SLC47A1: variants seen among roughly 807,000 people sequenced by gnomAD.
The protein encoded by SLC47A1 is multidrug and toxin extrusion protein 1.
Under a neutral mutation model 65.8 loss-of-function variants are expected in SLC47A1, and 58 were observed. The ratio of observed to expected loss-of-function variants is 0.88; its 90% confidence interval spans 0.71 to 1.10. The LOEUF (loss-of-function observed/expected upper bound fraction) is 1.10. Among genes scored for constraint, SLC47A1 ranks in the 50% least tolerant of loss-of-function variants. SLC47A1 has a pLI of 0.00. For missense variants in SLC47A1, 706 were observed against 719.2 expected, an observed-to-expected ratio of 0.98 and a Z score of 0.21; for synonymous variants, 285 against 295.0, an observed-to-expected ratio of 0.97 and a Z score of 0.35.
chr17:19,544,714 CT>C (rs1382183317), intron 2 of SLC47A1, among the ~76,000 whole-genome samples: 1 of 152,250 alleles, frequency 6.6e-6, no homozygotes, highest in Non-Finnish European at 1.5e-5. Context: ...AGCAGGCGGA[CT>C]TTTCTGTGTT....
In SLC47A1 at chr17:19,540,837, TCTC is replaced by T. The variant is rs566636339; in HGVS notation, c.136-1553_136-1551del. ...TAGGAGTTCATACAAGAAAGATACT[TCTC>T]CTACAACAGACACACACACACACAC... On this transcript the variant is annotated intron_variant, in intron 1 of 16. Transcript: ENST00000270570. Among the ~76,000 whole-genome samples the T allele has an allele frequency of 1.5e-4, 20 of 130,398 alleles. No individual in the cohort carries two copies. The South Asian group carries it at 4.8e-3, about 31-fold the overall frequency. 85.5% of individuals were successfully genotyped at this position (130,398 alleles called of 152,430 possible).
intron 6 of SLC47A1, among the ~76,000 whole-genome samples, chr17:19,552,693 G>A (rs1288261696): frequency 6.6e-6 from 1 of 152,172 alleles, no homozygotes; most frequent in Non-Finnish European, 1.5e-5. Flanking sequence ...TTTGAACTTG[G>A]TTACAGAGGA....
At chr17:19,541,652 A>G (rs1916152447) in intron 1 of SLC47A1, among the ~76,000 whole-genome samples, 1 of 152,034 alleles carries the variant, frequency 6.6e-6, no homozygotes, top group Non-Finnish European at 1.5e-5. Context: ...TCTCATCGCT[A>G]CCTCCAGCTC....
At chr17:19,552,452 C>T (rs1052589465) in intron 6 of SLC47A1, among the ~76,000 whole-genome samples, 11 of 152,138 alleles carry the variant, frequency 7.2e-5, no homozygotes, top group South Asian at 4.1e-4. Context: ...ACATTTCATC[C>T]GGCTTTGGGC....
At chr17:19,552,069 CAG>C (rs897566076) in intron 6 of SLC47A1, among the ~76,000 whole-genome samples, 2 of 152,212 alleles carry the variant, frequency 1.3e-5, no homozygotes, top group Admixed American at 6.5e-5. Flanking sequence ...TCCAGGTAAA[CAG>C]GGGTACTCGG....
At position 19,572,816 on chromosome 17, in the gene SLC47A1, C is replaced by T. The variant is rs774207199; in HGVS notation, c.1441C>T (p.Pro481Ser). The T allele has an allele frequency of 1.2e-6, 2 of 1,614,110 alleles. No homozygotes were observed. Among genetic ancestry groups the T allele is most frequent in the Non-Finnish European group, 1.7e-6 (2 of 1,180,006 alleles). Residue 481 changes from proline to serine, a missense_variant, in exon 16 of 17, where the codon CCT (proline) becomes TCT (serine). Physicochemically the swap from Pro to Ser is moderately conservative, Grantham distance 74 (BLOSUM62 -1). Transcript: ENST00000270570. ...VHANLKVNNV[P>S]RSGNSALPQD... is the part of the protein sequence containing the mutation. The stretch of plus-strand genomic sequence containing the variant: ...CGCCAATTTGAAAGTAAACAACGTG[C>T]CTCGGAGTGGGAATTCTGCTCTCCC...
chr17:19,577,309 G>A lies in SLC47A1; in HGVS notation c.1487-18G>A. 1.2e-6 allele frequency: 2 copies of A among 1,612,374 alleles called. No individual in the cohort carries two copies. The highest frequency in any genetic ancestry group is 8.5e-7 in the Non-Finnish European group (1 of 1,179,404). ...AAAAAAATCCCTTTTAAGCTGCTAA[G>A]TTCCTTTTTCCTCCCAGGGTGCCCT... On this transcript the variant is annotated intron_variant, in intron 16 of 16. Transcript: ENST00000270570.
chr17:19,534,025 C>G lies in SLC47A1; in HGVS notation c.86C>G (p.Ser29Cys). ...EVRGSRCLRL[S>C]AFREELRALL... is the part of the protein sequence containing the mutation. ...CGTGGGTCGCGCTGCTTGCGGCTGTCCGCCTTCCGAGAAGAGCTGCGGGCG... is the reference window on the plus strand; with the variant it reads ...CGTGGGTCGCGCTGCTTGCGGCTGTGCGCCTTCCGAGAAGAGCTGCGGGCG... The change falls in exon 1 of 17, where the codon TCC becomes TGC. Residue 29 changes from serine (S) to cysteine (C), a missense_variant. Ser to Cys is a moderately radical substitution (Grantham distance 112). Coordinates refer to ENST00000270570, the MANE Select transcript of SLC47A1 (RefSeq NM_018242.3). 6.5e-7 allele frequency: 1 copy of G among 1,547,446 alleles called. No homozygotes were observed. Among genetic ancestry groups the G allele is most frequent in the Non-Finnish European group, 8.7e-7 (1 of 1,147,564 alleles).
intron 16 of SLC47A1, among the ~76,000 whole-genome samples, chr17:19,577,061 A>AATGGAGAGG (rs1230539410): frequency 6.6e-6 from 1 of 151,960 alleles, no homozygotes; most frequent in African/African-American, 2.4e-5. Context: ...TGTGAATTTT[A>AATGGAGAGG]ATGGAGAGGG....
chr17:19,549,008 GTA>G (rs1185033418), intron 4 of SLC47A1, among the ~76,000 whole-genome samples: 1 of 152,084 alleles, frequency 6.6e-6, no homozygotes, highest in Non-Finnish European at 1.5e-5. Context: ...GGTGCTCCTG[GTA>G]GAAGGCAGGA....
At position 19,552,880 on chromosome 17, in the gene SLC47A1, C is replaced by T. The variant is rs571225778; in HGVS notation, c.543+1412C>T. Reference sequence around the variant, plus strand: ...GGCCCAGGGTCAGCGTGCGCAGGGCCTTGTGTTCTCTGCTGGGGCATTTAG... The same window carrying T: ...GGCCCAGGGTCAGCGTGCGCAGGGCTTTGTGTTCTCTGCTGGGGCATTTAG... On this transcript the variant is annotated intron_variant, in intron 6 of 16. Coordinates refer to ENST00000270570, the MANE Select transcript of SLC47A1 (RefSeq NM_018242.3). Among the ~76,000 whole-genome samples, 15 of 152,218 alleles carry T rather than the reference C, an allele frequency of 9.9e-5. No individual in the cohort carries two copies. The South Asian group carries it at 3.1e-3, about 32-fold the overall frequency.
intron 1 of SLC47A1, among the ~76,000 whole-genome samples, chr17:19,541,159 G>C (rs575362389): frequency 1.8e-4 from 27 of 152,288 alleles, no homozygotes; most frequent in African/African-American, 6.5e-4. Flanking sequence ...AGAGGACTCT[G>C]TTCTCCCTGA....
At chr17:19,535,935 A>G (rs950138920) in intron 1 of SLC47A1, among the ~76,000 whole-genome samples, 1 of 152,134 alleles carries the variant, frequency 6.6e-6, no homozygotes, top group African/African-American at 2.4e-5. Flanking sequence ...AGCTGCTGTG[A>G]GAAGGGGCTT....
intron 15 of SLC47A1, among the ~76,000 whole-genome samples, chr17:19,572,453 C>CT (rs1040138444): frequency 2.6e-5 from 4 of 152,054 alleles, no homozygotes; most frequent in Non-Finnish European, 4.4e-5. Context: ...GCCACCATGC[C>CT]TGGCTGTTTT....
chr17:19,563,128 C>CTTTTTT (rs572651224), intron 12 of SLC47A1, among the ~76,000 whole-genome samples: 29 of 82,642 alleles, frequency 3.5e-4, no homozygotes, highest in Non-Finnish European at 4.6e-4. Flanking sequence ...TAAGAGAAAG[C>CTTTTTT]TTTTTTTTTT....
At chr17:19,568,356 C>T (rs978907629) in intron 14 of SLC47A1, among the ~76,000 whole-genome samples, 1 of 152,010 alleles carries the variant, frequency 6.6e-6, no homozygotes, top group Non-Finnish European at 1.5e-5. Context: ...GTTTCTGGTG[C>T]GATTCATAGT....
chr17:19,545,988 G>T (rs4924998), intron 2 of SLC47A1, among the ~76,000 whole-genome samples: 1 of 152,042 alleles, frequency 6.6e-6, no homozygotes, highest in African/African-American at 2.4e-5. Flanking sequence ...TTTGGGAGGC[G>T]GAGGCGGGTG....
intron 7 of SLC47A1, 49 bp downstream of exon 7, chr17:19,555,358 G>A: frequency 6.3e-7 from 1 of 1,592,432 alleles, no homozygotes; most frequent in Non-Finnish European, 8.6e-7. Context: ...ACTTGCATGT[G>A]GTTTTTCCAG....
rs200017984 is a variant in SLC47A1, at chr17:19,548,083, C to T, written c.405C>T (p.Leu135=). ...LCCFPCWALF[L]NTQHILLLFR... is the part of the protein sequence containing the mutation. ...GCTTCCCCTGCTGGGCGCTCTTTCT[C>T]AACACCCAGCACATCCTGCTGCTCT... is the stretch of plus-strand genomic sequence containing the variant. The change falls in exon 4 of 17, where the codon CTC becomes CTT. Residue 135 remains leucine, a synonymous_variant. Coordinates refer to ENST00000270570, the MANE Select transcript of SLC47A1 (RefSeq NM_018242.3). 6.2e-7 allele frequency: 1 copy of T among 1,614,090 alleles called. No homozygotes were observed. The highest frequency in any genetic ancestry group is 2.2e-5 in the East Asian group (1 of 44,884).
Sources: allele counts gnomAD v4.1 joint callset (sites outside exome capture counted in the v4.1 genomes callset), GRCh38; gene constraint gnomAD v4.1.1; transcripts MANE v1.5; gene names NCBI Gene and HGNC (gene_info 2026-07-23, HGNC 2026-07-21).